The following PCDHGA3 variants were observed in gnomAD, a reference collection of about 807,000 sequenced individuals.
PCDHGA3 encodes the protein protocadherin gamma subfamily A, 3.
A neutral mutation model predicts 58.5 loss-of-function variants in PCDHGA3; 40 were observed. The ratio of observed to expected loss-of-function variants is 0.68; its 90% CI spans 0.53 to 0.89. The LOEUF (loss-of-function observed/expected upper bound fraction) is 0.89. PCDHGA3 is among the 40% of genes least tolerant of loss of function. The probability of loss-of-function intolerance (pLI) is 0.00; values close to 1 mark genes in which losing one functional copy is unlikely to be tolerated. For missense variants in PCDHGA3, 1,223 were observed against 1,195.9 expected (o/e 1.02, Z -0.33); for synonymous variants, 530 against 525.7 (o/e 1.01, Z -0.11).
In PCDHGA3 at chr5:141,370,820, C is replaced by T. The variant is rs140287572; in HGVS notation, c.2424+24363C>T. On this transcript the variant is annotated intron_variant, in intron 1 of 3. Coordinates refer to ENST00000253812, the MANE Select transcript of PCDHGA3 (RefSeq NM_018916.4). ...GCCAAAATATCACTGAGCTGGAAATCAGCGAACTGGCTCTCACTGGAGCCA... is the reference window on the plus strand; with the variant it reads ...GCCAAAATATCACTGAGCTGGAAATTAGCGAACTGGCTCTCACTGGAGCCA... 7 of 1,614,062 alleles carry T rather than the reference C, an allele frequency of 4.3e-6. No homozygotes were observed. The African/African-American group carries it at 5.3e-5, about 12-fold the overall frequency.
chr5:141,355,742 A>T, intron 1 of PCDHGA3: 1 of 1,613,970 alleles, frequency 6.2e-7, no homozygotes, highest in Non-Finnish European at 8.5e-7. Flanking sequence ...TTTTCCCTGG[A>T]CGTGCAAAGT....
intron 1 of PCDHGA3, among the ~76,000 whole-genome samples, chr5:141,468,963 C>G (rs951670777): frequency 1.3e-5 from 2 of 150,940 alleles, no homozygotes; most frequent in Admixed American, 6.6e-5. Context: ...TTTTTTTTAC[C>G]TTAGGCTTTT....
intron 1 of PCDHGA3, chr5:141,377,740 A>G (rs1017037020): frequency 9.9e-5 from 15 of 152,232 alleles, no homozygotes; most frequent in African/African-American, 3.6e-4. Context: ...ATCATTGGTA[A>G]CTGCAGCAGG....
At chr5:141,374,203 G>A (rs375029709) in intron 1 of PCDHGA3, 16 of 1,613,808 alleles carry the variant, frequency 9.9e-6, no homozygotes, top group Non-Finnish European at 1.1e-5. Flanking sequence ...AGGAGCTGGA[G>A]AAAGGCTCCT....
At chr5:141,361,585 A>G in intron 1 of PCDHGA3, 1 of 1,614,014 alleles carries the variant, frequency 6.2e-7, no homozygotes, top group Non-Finnish European at 8.5e-7. Context: ...CTTGGGCCCC[A>G]GTGGCCAAGT....
At chr5:141,395,351 G>A (rs2093220052) in intron 1 of PCDHGA3, 1 of 1,366,364 alleles carries the variant, frequency 7.3e-7, no homozygotes, top group East Asian at 2.5e-5. Context: ...GTGTATCACA[G>A]AGTTTTGGGT....
rs1311776295 is a variant in PCDHGA3, at chr5:141,487,582, C to G, written c.2425-7225C>G. 1.2e-6 allele frequency: 2 copies of G among 1,614,088 alleles called. No homozygotes were observed. The highest frequency in any genetic ancestry group is 2.7e-5 in the African/African-American group (2 of 74,934). ...TGGCAGGGGAGCCTGTTCGCCCAAG[C>G]TGCCCACCCTCTGATCTTCTCTATG... is the stretch of plus-strand genomic sequence containing the variant. On this transcript the variant is annotated intron_variant, in intron 1 of 3. Transcript: ENST00000253812. The surrounding 1 kb of genome is among the most constrained non-coding windows in gnomAD (Gnocchi z 5.0).
At chr5:141,505,106 G>A (rs934779049) in intron 2 of PCDHGA3, among the ~76,000 whole-genome samples, 1 of 152,188 alleles carries the variant, frequency 6.6e-6, no homozygotes, top group Non-Finnish European at 1.5e-5. Context: ...ATGTTGCAAT[G>A]AGCCAAGATC....
At chr5:141,403,168 G>T in intron 1 of PCDHGA3, 14 of 1,614,032 alleles carry the variant, frequency 8.7e-6, no homozygotes, top group African/African-American at 1.3e-5. Flanking sequence ...GAGGTAGGAC[G>T]CAGCTTTTCT....
intron 1 of PCDHGA3, chr5:141,362,616 G>A (rs964810850): frequency 2.6e-6 from 4 of 1,543,942 alleles, no homozygotes; most frequent in Non-Finnish European, 3.5e-6. Flanking sequence ...ATTTGGGTAG[G>A]AAGTTCCACT....
At chr5:141,372,152 C>G in intron 1 of PCDHGA3, 1 of 1,613,792 alleles carries the variant, frequency 6.2e-7, no homozygotes, top group East Asian at 2.2e-5. Context: ...AGCCTGGCTA[C>G]CTGGTGACCA....
intron 1 of PCDHGA3, chr5:141,355,093 G>A (rs1311251938): frequency 1.3e-6 from 2 of 1,483,574 alleles, no homozygotes; most frequent in Non-Finnish European, 1.8e-6. Flanking sequence ...GAAGCCCTGA[G>A]AGCTCTGGCT....
rs764692908 is a variant in PCDHGA3 at position 141,431,246 on chromosome 5, G to C, written c.2425-63561G>C. On this transcript the variant is annotated intron_variant, in intron 1 of 3. Coordinates refer to ENST00000253812, the MANE Select transcript of PCDHGA3 (RefSeq NM_018916.4). The surrounding 1 kb of genome is among the most constrained non-coding windows in gnomAD (Gnocchi z 4.8). ...ACCCCACGCCTGGGATCCGGATATC[G>C]GGAAGAACTCTCTGCAGAGCTACGA... 9 of 1,613,982 alleles carry C rather than the reference G, an allele frequency of 5.6e-6. No individual in the cohort carries two copies. Among genetic ancestry groups the C allele is most frequent in the Non-Finnish European group, 7.6e-6 (9 of 1,180,050 alleles).
At position 141,345,531 on chromosome 5, in the gene PCDHGA3, C is replaced by A. The variant is rs535264828; in HGVS notation, c.1498C>A (p.Pro500Thr). The change falls in exon 1 of 4, where the codon CCC becomes ACC. Residue 500 changes from proline (P) to threonine (T), a missense_variant. Coordinates refer to ENST00000253812, the MANE Select transcript of PCDHGA3 (RefSeq NM_018916.4). ...ALTEDTLQGAPLSSFVSINSN... is the reference protein window; with the variant it reads ...ALTEDTLQGATLSSFVSINSN... Reference sequence around the variant, plus strand: ...GACCGAGGACACTCTCCAGGGGGCGCCCCTGTCCTCCTTCGTCTCTATCAA... The same window carrying A: ...GACCGAGGACACTCTCCAGGGGGCGACCCTGTCCTCCTTCGTCTCTATCAA... 5 of 1,614,174 alleles carry A rather than the reference C, an allele frequency of 3.1e-6. No individual in the cohort carries two copies. The highest frequency in any genetic ancestry group is 4.2e-6 in the Non-Finnish European group (5 of 1,180,018).
Position 141,404,160 on chromosome 5 carries a change from G to A in PCDHGA3, c.2424+57703G>A, listed in dbSNP as rs1308529085. On this transcript the variant is annotated intron_variant, in intron 1 of 3. Coordinates refer to ENST00000253812, the MANE Select transcript of PCDHGA3 (RefSeq NM_018916.4). The stretch of plus-strand genomic sequence containing the variant: ...GAAAATTCAGAAGAAGATTATTACA[G>A]ATTGTTGACGGCCCAAATTCTTGAC... The A allele has an allele frequency of 3.1e-6, 5 of 1,613,054 alleles. No homozygotes were observed. In the Admixed American group the frequency reaches 6.7e-5, roughly 22 times the overall value.
chr5:141,372,270 G>T, intron 1 of PCDHGA3: 1 of 1,613,182 alleles, frequency 6.2e-7, no homozygotes, highest in Non-Finnish European at 8.5e-7. Context: ...CACGGGTGAG[G>T]TGCGCACGGC....
Position 141,425,952 on chromosome 5 carries a change from T to C in PCDHGA3, c.2425-68855T>C, listed in dbSNP as rs1047436598. 3.9e-5 allele frequency among the ~76,000 whole-genome samples: 6 copies of C among 152,364 alleles called. No individual in the cohort carries two copies. In the South Asian group the frequency reaches 8.3e-4, roughly 21 times the overall value. ...ATAAAATGTCTAGTTTCCTATACATTAGTCCAACACATCAGTCTAATTCTG... is the reference window on the plus strand; with the variant it reads ...ATAAAATGTCTAGTTTCCTATACATCAGTCCAACACATCAGTCTAATTCTG... On this transcript the variant is annotated intron_variant, in intron 1 of 3. Coordinates refer to ENST00000253812, the MANE Select transcript of PCDHGA3 (RefSeq NM_018916.4).
intron 1 of PCDHGA3, chr5:141,393,007 G>T: frequency 6.2e-7 from 1 of 1,613,850 alleles, no homozygotes; most frequent in South Asian, 1.1e-5. Context: ...CACGGAGTCC[G>T]TATCGTCTCC....
intron 1 of PCDHGA3, chr5:141,418,665 A>G: frequency 6.2e-7 from 1 of 1,614,070 alleles, no homozygotes; most frequent in Middle Eastern, 1.6e-4. Flanking sequence ...GCCACTGACC[A>G]GGACGAGGGC....
Sources: gnomAD v4.1 joint callset for allele counts (sites outside exome capture counted in the v4.1 genomes callset) on GRCh38, gnomAD v4.1.1 for gene constraint, Gnocchi (gnomAD v3.1) non-coding constraint, MANE v1.5 for transcripts, NCBI Gene and HGNC (gene_info 2026-07-23, HGNC 2026-07-21) for gene names.